AGO1: variants seen among roughly 807,000 people sequenced by gnomAD.
AGO1 encodes the protein protein argonaute-1.
AGO1 carries 11 observed loss-of-function variants against 109.2 expected under a neutral mutation model. The ratio of observed to expected loss-of-function variants is 0.10; its 90% confidence interval spans 0.06 to 0.17. The LOEUF is 0.17. Ranked by LOEUF, AGO1 falls within the 10% of genes least tolerant of loss-of-function variation. The pLI, the probability that AGO1 is intolerant of heterozygous loss-of-function variation, is 1.00. For synonymous variants in AGO1, 422 were observed against 418.6 expected (o/e 1.01, Z -0.10); for missense variants, 574 against 1,140.3 (o/e 0.50, Z 7.15).
At chr1:35,891,104 A>G (rs1645210027) in intron 2 of AGO1, among the ~76,000 whole-genome samples, 1 of 152,236 alleles carries the variant, frequency 6.6e-6, no homozygotes, top group Non-Finnish European at 1.5e-5. Flanking sequence ...AAAGTTCTAC[A>G]TAGTCTACAT....
At chr1:35,879,964 G>T (rs1645022433), upstream of AGO1, among the ~76,000 whole-genome samples, 1 of 151,668 alleles carries the variant, frequency 6.6e-6, no homozygotes, top group African/African-American at 2.4e-5. Flanking sequence ...TTAGAACAGG[G>T]GAGTCAGACT....
rs139069471 is a variant in AGO1, at chr1:35,875,095, T to C, written c.-201+5192T>C. ...TAGCCAGAAGATCTGACTAAAATAA[T>C]TGATGAGAGTGGCTACACTGAACAA... On this transcript the variant is annotated intron_variant, in intron 1 of 18. Transcript: ENST00000373206. Among the ~76,000 whole-genome samples, 578 of 152,298 alleles carry C rather than the reference T, an allele frequency of 3.8e-3. 1 individual carries two copies. Among genetic ancestry groups the C allele is most frequent in the Non-Finnish European group, 6.9e-3 (470 of 68,024 alleles).
rs1309729088 is a variant in AGO1, at chr1:35,919,096, C to T, written c.2307C>T (p.Asp769=). Residue 769 remains aspartate (D), a synonymous_variant, in exon 18 of 19, where the codon GAC becomes GAT. Coordinates refer to ENST00000373204, the MANE Select transcript of AGO1 (RefSeq NM_012199.5). This position sits in a 1 kb window ranked among gnomAD's most constrained non-coding sequence, Gnocchi z 6.6. ...RPSHYYVLWD[D]NRFTADELQI... ...CCCATTACTATGTTCTTTGGGATGA[C>T]AACCGTTTCACAGCAGATGAGCTCC... 1 of 1,614,090 alleles carries T rather than the reference C, an allele frequency of 6.2e-7. No homozygotes were observed. The highest frequency in any genetic ancestry group is 8.5e-7 in the Non-Finnish European group (1 of 1,180,044).
intron 15 of AGO1, 126 bp from the exon 16 acceptor site, chr1:35,917,467 C>T: frequency 9.4e-7 from 1 of 1,065,410 alleles, no homozygotes; most frequent in East Asian, 2.5e-5. Flanking sequence ...TGTTGAGCAT[C>T]AGCATATAAA....
chr1:35,896,581 TCTC>T (rs1645324210), intron 8 of AGO1, among the ~76,000 whole-genome samples: 1 of 151,832 alleles, frequency 6.6e-6, no homozygotes, highest in South Asian at 2.1e-4. Flanking sequence ...GCCACACTGA[TCTC>T]CTGGCCTCAA....
chr1:35,883,595 A>G lies in AGO1; in HGVS notation c.25+149A>G. ...GCCCAGTTTGAAGGAGGCTGTGTGC[A>G]GTTCCGGGGGAGAACCATGTGAAGA... On this transcript the variant is annotated intron_variant, in intron 1 of 18. Transcript: ENST00000373204. This position sits in a 1 kb window ranked among gnomAD's most constrained non-coding sequence, Gnocchi z 5.4. 7.9e-7 allele frequency: 1 copy of G among 1,263,754 alleles called. No individual in the cohort carries two copies. The highest frequency in any genetic ancestry group is 1.9e-5 in the South Asian group (1 of 53,878). 78.3% of individuals were successfully genotyped at this position (1,263,754 alleles called of 1,614,324 possible). A position where few individuals can be genotyped will look rare whatever the true frequency, so the allele number is the denominator to read the frequency against.
At chr1:35,917,486 G>A in intron 15 of AGO1, 107 bp from the exon 16 acceptor site, 1 of 1,338,894 alleles carries the variant, frequency 7.5e-7, no homozygotes. Context: ...AAGGGAGACT[G>A]AGCCAAAAGT....
intron 1 of AGO1, among the ~76,000 whole-genome samples, chr1:35,884,312 T>C (rs530271227): frequency 1.3e-5 from 2 of 152,214 alleles, no homozygotes; most frequent in Non-Finnish European, 2.9e-5. Flanking sequence ...CGATGGGTTC[T>C]GGGGGTGGGT....
chr1:35,923,115 T>A lies in AGO1; in HGVS notation c.*3508T>A, dbSNP rs1645862610. On this transcript the variant is annotated 3_prime_UTR_variant, in exon 19 of 19. Coordinates refer to ENST00000373204, the MANE Select transcript of AGO1 (RefSeq NM_012199.5). ...TCCATTAGGGATCGAGGTGCTACAC[T>A]GGCCTCCAGGGATAAGCCTGGGGCT... 1 of 152,226 alleles carries A rather than the reference T, an allele frequency of 6.6e-6. No individual in the cohort carries two copies. The highest frequency in any genetic ancestry group is 2.1e-4 in the South Asian group (1 of 4,834). 9.4% of individuals were successfully genotyped at this position (152,226 alleles called of 1,614,324 possible). A position where few individuals can be genotyped will look rare whatever the true frequency, so the allele number is the denominator to read the frequency against.
At chr1:35,908,986 T>G (rs1408400830) in intron 12 of AGO1, among the ~76,000 whole-genome samples, 1 of 152,024 alleles carries the variant, frequency 6.6e-6, no homozygotes, top group African/African-American at 2.4e-5. Context: ...CCTCGCTAAT[T>G]TTTATATTTT....
intron 12 of AGO1, among the ~76,000 whole-genome samples, chr1:35,910,236 ATCC>A (rs993481775): frequency 6.6e-5 from 10 of 151,226 alleles, no homozygotes; most frequent in Admixed American, 4.6e-4. Context: ...GTAAAATGGC[ATCC>A]TCCTAGTGAT....
chr1:35,887,486 A>G (rs997929668), intron 1 of AGO1, among the ~76,000 whole-genome samples: 9 of 152,106 alleles, frequency 5.9e-5, no homozygotes, highest in Non-Finnish European at 1.2e-4. Context: ...CCCTTTCCCA[A>G]GGGCCTCCTC....
Position 35,919,823 on chromosome 1 carries a change from A to AC in AGO1, c.*220dup, listed in dbSNP as rs1645799907. The AC allele has an allele frequency of 1.8e-6, 1 of 545,126 alleles. No homozygotes were observed. The highest frequency in any genetic ancestry group is 3.3e-6 in the Non-Finnish European group (1 of 305,022). 33.8% of individuals were successfully genotyped at this position (545,126 alleles called of 1,614,324 possible). A position where few individuals can be genotyped will look rare whatever the true frequency, so the allele number is the denominator to read the frequency against. ...CTCTGATATCAACCTCATGTCCCCC[A>AC]CCCCTCACCCCATCTTGTCACATCT... On this transcript the variant is annotated 3_prime_UTR_variant, in exon 19 of 19. Transcript: ENST00000373204. The surrounding 1 kb of genome is among the most constrained non-coding windows in gnomAD (Gnocchi z 6.6).
At chr1:35,898,342 C>G (rs986655761) in intron 8 of AGO1, among the ~76,000 whole-genome samples, 1 of 151,802 alleles carries the variant, frequency 6.6e-6, no homozygotes. Context: ...CTGCAAGCTC[C>G]GCCTCCTGGG....
upstream of AGO1, chr1:35,883,133 T>TG: frequency 9.0e-7 from 1 of 1,107,730 alleles, no homozygotes; most frequent in East Asian, 5.4e-5. This position sits in a 1 kb window ranked among gnomAD's most constrained non-coding sequence, Gnocchi z 5.4. Context: ...CCCTCTCCAT[T>TG]GGCCTTTGTT....
At position 35,919,416 on chromosome 1, in the gene AGO1, A is replaced by G; in HGVS notation, c.2466-83A>G. 1.3e-6 allele frequency: 2 copies of G among 1,483,032 alleles called. No individual in the cohort carries two copies. Among genetic ancestry groups the G allele is most frequent in the East Asian group, 2.5e-5 (1 of 40,762 alleles). 91.9% of individuals were successfully genotyped at this position (1,483,032 alleles called of 1,614,324 possible). A position where few individuals can be genotyped will look rare whatever the true frequency, so the allele number is the denominator to read the frequency against. On this transcript the variant is annotated intron_variant, in intron 18 of 18. Coordinates refer to ENST00000373204, the MANE Select transcript of AGO1 (RefSeq NM_012199.5). The surrounding 1 kb of genome is among the most constrained non-coding windows in gnomAD (Gnocchi z 6.6). ...GTTTCTCTCTTAAGTTGGTATGGGA[A>G]TTGGCATCCCAGGGCTGGGCGAGGG...
intron 1 of AGO1, among the ~76,000 whole-genome samples, chr1:35,884,770 G>C (rs1645092103): frequency 6.6e-6 from 1 of 152,162 alleles, no homozygotes; most frequent in African/African-American, 2.4e-5. Flanking sequence ...ATTGCCTCAA[G>C]AAAACTGGAG....
Position 35,928,499 on chromosome 1 carries a change from G to A in AGO1, c.*8892G>A, listed in dbSNP as rs999700616. ...GTTCGGTCTCATTAGTATTGCCCAG[G>A]CTGGCCTCTCTTAGCTTCAAGCTAT... On this transcript the variant is annotated 3_prime_UTR_variant, in exon 19 of 19. Coordinates refer to ENST00000373204, the MANE Select transcript of AGO1 (RefSeq NM_012199.5). 6.6e-6 allele frequency: 1 copy of A among 152,134 alleles called. No homozygotes were observed. 9.4% of individuals were successfully genotyped at this position (152,134 alleles called of 1,614,324 possible). A position where few individuals can be genotyped will look rare whatever the true frequency, so the allele number is the denominator to read the frequency against.
Position 35,902,209 on chromosome 1 carries a change from G to A in AGO1, c.1269G>A (p.Arg423=), listed in dbSNP as rs1645430440. Residue 423 remains arginine (R), a synonymous_variant, in exon 11 of 19, where the codon CGG becomes CGA. Coordinates refer to ENST00000373204, the MANE Select transcript of AGO1 (RefSeq NM_012199.5). ...APILQYGGRN[R]AIATPNQGVW... Reference sequence around the variant, plus strand: ...CCCCCTCTACCTATCCCCAGAACCGGGCCATTGCCACACCCAATCAGGGTG... The same window carrying A: ...CCCCCTCTACCTATCCCCAGAACCGAGCCATTGCCACACCCAATCAGGGTG... The A allele has an allele frequency of 6.2e-7, 1 of 1,613,448 alleles. No homozygotes were observed. Among genetic ancestry groups the A allele is most frequent in the Non-Finnish European group, 8.5e-7 (1 of 1,179,718 alleles).
Sources: allele counts gnomAD v4.1 joint callset (sites outside exome capture counted in the v4.1 genomes callset), GRCh38; gene constraint gnomAD v4.1.1; non-coding constraint Gnocchi (gnomAD v3.1); transcripts MANE v1.5; gene names NCBI Gene and HGNC (gene_info 2026-07-23, HGNC 2026-07-21).